The following RRBP1 variants were observed in gnomAD, a reference collection of about 807,000 sequenced individuals.
RRBP1 encodes the protein ribosome binding protein 1.
In RRBP1, 94 loss-of-function variants were observed where a neutral mutation model predicts 165.2. That is an observed-to-expected ratio of 0.57 (90% CI 0.48 to 0.68). RRBP1 has a LOEUF of 0.68. Among genes scored for constraint, RRBP1 ranks in the 30% least tolerant of loss-of-function variants. The probability of loss-of-function intolerance (pLI) is 0.00; values close to 1 mark genes in which losing one functional copy is unlikely to be tolerated. For synonymous variants in RRBP1, 680 were observed against 714.5 expected, an observed-to-expected ratio of 0.95 and a Z score of 0.77; for missense variants, 1,676 against 1,763.0, an observed-to-expected ratio of 0.95 and a Z score of 0.88.
At chr20:17,623,939 A>G (rs1246248072) in intron 13 of RRBP1, among the ~76,000 whole-genome samples, 1 of 152,132 alleles carries the variant, frequency 6.6e-6, no homozygotes, top group Non-Finnish European at 1.5e-5. Context: ...CTCAAAAAAA[A>G]AAAAAGTCTC....
chr20:17,668,572 G>C (rs1448210178), intron 2 of RRBP1, among the ~76,000 whole-genome samples: 4 of 152,212 alleles, frequency 2.6e-5, no homozygotes, highest in Non-Finnish European at 4.4e-5. Flanking sequence ...TCAGGAGACT[G>C]TGTCTCCCTT....
At chr20:17,656,088 G>C (rs12329608) in intron 3 of RRBP1, among the ~76,000 whole-genome samples, 18,193 of 152,252 alleles carry the variant, frequency 0.12, 1,404 homozygotes, top group Middle Eastern at 0.24. Flanking sequence ...CAAATCCACC[G>C]CAGATGGCCC....
rs2035744138 is a variant in RRBP1 at position 17,614,130 on chromosome 20, T to C, written c.*52A>G. 5 of 1,575,922 alleles carry C rather than the reference T, an allele frequency of 3.2e-6. No homozygotes were observed. Among genetic ancestry groups the C allele is most frequent in the Non-Finnish European group, 1.7e-6 (2 of 1,145,218 alleles). On this transcript the variant is annotated 3_prime_UTR_variant, in exon 25 of 25. Transcript: ENST00000377813. Reference sequence around the variant, plus strand: ...TTGGTTGGTTTATTTGTAAGGAATGTGTAAGGCATTTTGGTAAGTTGAACA... The same window carrying C: ...TTGGTTGGTTTATTTGTAAGGAATGCGTAAGGCATTTTGGTAAGTTGAACA...
intron 3 of RRBP1, among the ~76,000 whole-genome samples, chr20:17,649,338 C>T (rs768592689): frequency 3.5e-4 from 53 of 152,330 alleles, no homozygotes; most frequent in Non-Finnish European, 6.3e-4. Flanking sequence ...CCACACCGGC[C>T]GCTCTGCCAT....
At chr20:17,634,275 A>G (rs564766111) in intron 7 of RRBP1, among the ~76,000 whole-genome samples, 49 of 152,296 alleles carry the variant, frequency 3.2e-4, no homozygotes, top group African/African-American at 1.2e-3. Flanking sequence ...AAGGGACACC[A>G]CCAGACGAGA....
intron 11 of RRBP1, 136 bp downstream of exon 11, chr20:17,627,212 G>T: frequency 1.2e-6 from 1 of 807,706 alleles, no homozygotes; most frequent in Non-Finnish European, 2.0e-6. Flanking sequence ...CGGAGGATGG[G>T]GGAGGGAAGG....
chr20:17,658,003 T>C (rs2036676773), intron 3 of RRBP1, among the ~76,000 whole-genome samples: 1 of 152,154 alleles, frequency 6.6e-6, no homozygotes, highest in Admixed American at 6.5e-5. Context: ...AAGAAAGACT[T>C]GCCAACACGC....
chr20:17,659,937 T>A lies in RRBP1; in HGVS notation c.571A>T (p.Thr191Ser), dbSNP rs761532890. 6.3e-7 allele frequency: 1 copy of A among 1,581,884 alleles called. No individual in the cohort carries two copies. The highest frequency in any genetic ancestry group is 2.3e-5 in the East Asian group (1 of 43,334). Residue 191 changes from threonine (T) to serine (S), a missense_variant, in exon 3 of 25, where the codon ACA becomes TCA. Thr to Ser is a moderately conservative substitution (Grantham distance 58). This residue lies in a region of RRBP1 where 392 missense variants were observed against 382.5 expected (regional missense o/e 1.02). Coordinates refer to ENST00000377813, the MANE Select transcript of RRBP1 (RefSeq NM_001365613.2). ...VVPPVGAKGN[T>S]PATGTTQGKK... is the part of the protein sequence containing the mutation. ...CCCTGAGTAGTGCCAGTGGCTGGTG[T>A]GTTGCCCTTGGCACCCACTGGGGGC...
intron 6 of RRBP1, 103 bp downstream of exon 6, chr20:17,636,474 C>A (rs1242847695): frequency 7.2e-7 from 1 of 1,390,608 alleles, no homozygotes; most frequent in African/African-American, 1.4e-5. Flanking sequence ...GCATCCTCAA[C>A]CCCCTCCTCA....
At chr20:17,625,657 A>C in intron 11 of RRBP1, 55 bp from the exon 12 acceptor site, 1 of 1,410,668 alleles carries the variant, frequency 7.1e-7, no homozygotes. Flanking sequence ...CAGCCCCTAC[A>C]GATCCCACCT....
At chr20:17,680,166 T>C (rs2037153654) in intron 1 of RRBP1, 91 bp from the exon 2 acceptor site, 1 of 152,228 alleles carries the variant, frequency 6.6e-6, no homozygotes, top group African/African-American at 2.4e-5. Flanking sequence ...AGTGACATGC[T>C]GCAGGGTCAC....
At position 17,614,862 on chromosome 20, in the gene RRBP1, T is replaced by G; in HGVS notation, c.4069A>C (p.Lys1357Gln). ...CGCCCCAGGTCACTTGTTAACTTCT[T>G]CTCTTTTTCTAGTCTCTCCTGATGG... ...SQLKERLEKE[K>Q]KLTSDLGRAA... Residue 1357 changes from lysine to glutamine, a missense_variant, in exon 24 of 25, where the codon AAG (lysine) becomes CAG (glutamine). Around this residue, in one of 5 missense-constraint regions of RRBP1, gnomAD observed 1,184 missense variants for 1,167.1 expected, o/e 1.01. Transcript: ENST00000377813. 6.2e-7 allele frequency: 1 copy of G among 1,613,548 alleles called. No individual in the cohort carries two copies. Among genetic ancestry groups the G allele is most frequent in the Non-Finnish European group, 8.5e-7 (1 of 1,179,994 alleles).
intron 2 of RRBP1, among the ~76,000 whole-genome samples, chr20:17,663,634 C>T (rs2036812527): frequency 6.6e-6 from 1 of 152,214 alleles, no homozygotes; most frequent in Non-Finnish European, 1.5e-5. Context: ...AACAACCTTT[C>T]TGCTGCTTTG....
intron 2 of RRBP1, among the ~76,000 whole-genome samples, chr20:17,668,098 A>G (rs891475502): frequency 2.0e-5 from 3 of 152,258 alleles, no homozygotes; most frequent in Admixed American, 1.3e-4. Flanking sequence ...TTGTAAGTGT[A>G]TATTTAACTT....
intron 21 of RRBP1, 94 bp downstream of exon 21, chr20:17,616,638 G>A (rs2035805893): frequency 1.2e-6 from 1 of 800,836 alleles, no homozygotes; most frequent in East Asian, 2.6e-5. Context: ...GGAGGCTGGA[G>A]CAGCCAGTGC....
intron 2 of RRBP1, among the ~76,000 whole-genome samples, chr20:17,664,045 T>C (rs1002652465): frequency 1.3e-5 from 2 of 152,176 alleles, no homozygotes; most frequent in East Asian, 3.8e-4. Context: ...TATACCTACA[T>C]ACCTATGATG....
intron 2 of RRBP1, among the ~76,000 whole-genome samples, chr20:17,666,764 C>G (rs540012842): frequency 6.6e-6 from 1 of 152,206 alleles, no homozygotes; most frequent in South Asian, 2.1e-4. Flanking sequence ...CTACCAGTGT[C>G]GTACCAACTG....
chr20:17,664,506 A>C (rs1049957933), intron 2 of RRBP1, among the ~76,000 whole-genome samples: 2 of 152,254 alleles, frequency 1.3e-5, no homozygotes, highest in African/African-American at 4.8e-5. Flanking sequence ...GGAAGGATGT[A>C]GGAGGCTGCG....
intron 24 of RRBP1, 62 bp from the exon 25 acceptor site, chr20:17,614,282 C>T: frequency 6.5e-7 from 1 of 1,538,564 alleles, no homozygotes; most frequent in South Asian, 1.1e-5. Flanking sequence ...GAACCACCTG[C>T]CCTCTACCCT....
Sources: gnomAD v4.1 joint callset for allele counts (sites outside exome capture counted in the v4.1 genomes callset) on GRCh38, gnomAD v4.1.1 for gene constraint, gnomAD v4.1.1 regional missense constraint, MANE v1.5 for transcripts, NCBI Gene and HGNC (gene_info 2026-07-23, HGNC 2026-07-21) for gene names.